DMRT3: variants seen among roughly 807,000 people sequenced by gnomAD.
The protein encoded by DMRT3 is doublesex and mab-3 related transcription factor 3, also known as doublesex- and mab-3-related transcription factor 3.
A neutral mutation model predicts 34.9 loss-of-function variants in DMRT3; 29 were observed. That is an observed-to-expected ratio of 0.83 (90% CI 0.62 to 1.13). The LOEUF is 1.13. Among genes scored for constraint, DMRT3 ranks in the 50% most tolerant of loss-of-function variants. The pLI is 0.00. For missense variants in DMRT3, 772 were observed against 629.1 expected, an observed-to-expected ratio of 1.23 and a Z score of -2.43; for synonymous variants, 350 against 286.0, an observed-to-expected ratio of 1.22 and a Z score of -2.26.
chr9:980,985 A>G (rs1266326461), intron 1 of DMRT3, among the ~76,000 whole-genome samples: 1 of 152,160 alleles, frequency 6.6e-6, no homozygotes, highest in Non-Finnish European at 1.5e-5. Flanking sequence ...GAATATGTAC[A>G]CACATTCTTT....
chr9:986,217 C>T (rs1016439118), intron 1 of DMRT3, among the ~76,000 whole-genome samples: 4 of 152,160 alleles, frequency 2.6e-5, no homozygotes, highest in Non-Finnish European at 4.4e-5. Flanking sequence ...ATTCCACTAC[C>T]GTCTGTTCCG....
In DMRT3 at chr9:976,700, T is replaced by C. The variant is rs1279375245; in HGVS notation, c.-302T>C. ...CTTAATCAGAGCTGTCGCCGGCTCC[T>C]TGCAGCCGCCGCAGCGCCTCCGCGA... On this transcript the variant is annotated 5_prime_UTR_variant, in exon 1 of 2. Coordinates refer to ENST00000190165, the MANE Select transcript of DMRT3 (RefSeq NM_021240.4). This position sits in a 1 kb window ranked among gnomAD's most constrained non-coding sequence, Gnocchi z 4.5. Among the ~76,000 whole-genome samples the C allele has an allele frequency of 6.6e-6, 1 of 152,168 alleles. No individual in the cohort carries two copies. The highest frequency in any genetic ancestry group is 2.4e-5 in the African/African-American group (1 of 41,462).
At chr9:988,377 G>A (rs980094491) in intron 1 of DMRT3, among the ~76,000 whole-genome samples, 4 of 152,156 alleles carry the variant, frequency 2.6e-5, no homozygotes, top group African/African-American at 9.6e-5. Context: ...ACTTATGTTT[G>A]CCACATATTT....
intron 1 of DMRT3, among the ~76,000 whole-genome samples, chr9:983,051 T>G (rs532851128): frequency 6.6e-6 from 1 of 152,332 alleles, no homozygotes; most frequent in Admixed American, 6.5e-5. Context: ...CACATCGCCT[T>G]AGTGAGTCAT....
At position 990,993 on chromosome 9, in the gene DMRT3, C is replaced by G. The variant is rs2130079122; in HGVS notation, c.1407C>G (p.Asn469Lys). 1 of 1,610,332 alleles carries G rather than the reference C, an allele frequency of 6.2e-7. No homozygotes were observed. The highest frequency in any genetic ancestry group is 8.5e-7 in the Non-Finnish European group (1 of 1,177,080). ...ACTCCTCAGACTCTAGAACACTCAA[C>G]ACATCATCTTAAAGTGGTGCTGGAT... ...RSDSSDSRTLNTSS is the reference protein window; with the variant it reads ...RSDSSDSRTLKTSS The change falls in exon 2 of 2, where the codon AAC becomes AAG. Residue 469 changes from asparagine (N) to lysine (K), a missense_variant. Coordinates refer to ENST00000190165, the MANE Select transcript of DMRT3 (RefSeq NM_021240.4).
rs764560332 is a variant in DMRT3 at position 990,451 on chromosome 9, C to T, written c.865C>T (p.Arg289Ter). ...VSAVEVLLSSRSSVTGAERTS... is the reference protein window; with the variant it reads ...VSAVEVLLSS ...CGCCGTGGAAGTCCTTCTGTCCAGC[C>T]GATCCTCAGTCACGGGAGCAGAGCG... The change falls in exon 2 of 2, where the codon CGA (arginine) becomes TGA (stop). Residue 289 changes from arginine to a stop codon, truncating the protein, a stop_gained. Transcript: ENST00000190165. LOFTEE classifies it high-confidence loss of function. 12 of 1,614,042 alleles carry T rather than the reference C, an allele frequency of 7.4e-6. No individual in the cohort carries two copies. The highest frequency in any genetic ancestry group is 1.7e-5 in the Admixed American group (1 of 60,004).
At chr9:979,806 A>G (rs2130056616) in intron 1 of DMRT3, among the ~76,000 whole-genome samples, 1 of 152,290 alleles carries the variant, frequency 6.6e-6, no homozygotes, top group East Asian at 1.9e-4. Flanking sequence ...CCCTTTTTGC[A>G]GTTGTTCTAA....
intron 1 of DMRT3, among the ~76,000 whole-genome samples, chr9:985,483 GTTTA>G (rs1247550581): frequency 6.6e-6 from 1 of 152,132 alleles, no homozygotes; most frequent in Non-Finnish European, 1.5e-5. Flanking sequence ...GATTTGTAAA[GTTTA>G]TTTAAGAACA....
At chr9:988,505 G>A (rs1359203003) in intron 1 of DMRT3, among the ~76,000 whole-genome samples, 1 of 152,212 alleles carries the variant, frequency 6.6e-6, no homozygotes, top group African/African-American at 2.4e-5. Context: ...AAGTGTAGGA[G>A]AAGATGGTTT....
intron 1 of DMRT3, among the ~76,000 whole-genome samples, chr9:988,836 G>A (rs1820315470): frequency 6.6e-6 from 1 of 152,146 alleles, no homozygotes; most frequent in Admixed American, 6.5e-5. Context: ...GCTTTGAGTA[G>A]CCACAGCCAG....
At chr9:989,943 T>G (rs6477419) in intron 1 of DMRT3, 98 bp from the exon 2 acceptor site, 1 of 1,482,130 alleles carries the variant, frequency 6.7e-7, no homozygotes, top group Non-Finnish European at 9.1e-7. Flanking sequence ...GAGATGCATT[T>G]GCTCTTCCAA....
chr9:977,486 C>T (rs768083588), intron 1 of DMRT3, 31 bp downstream of exon 1: 26 of 1,269,378 alleles, frequency 2.0e-5, no homozygotes, highest in Non-Finnish European at 2.4e-5. Flanking sequence ...GGAGTTTGGC[C>T]GGGCGCGGGG....
chr9:990,658 C>T lies in DMRT3; in HGVS notation c.1072C>T (p.Leu358=). The change falls in exon 2 of 2, where the codon CTG becomes TTG. Residue 358 remains leucine, a synonymous_variant. Coordinates refer to ENST00000190165, the MANE Select transcript of DMRT3 (RefSeq NM_021240.4). Reference sequence around the variant, plus strand: ...TGTCCCCAGTCCCTTGGCTGGGCCTCTGCAGCCCCCTTTCCCCCAGCCACC... The same window carrying T: ...TGTCCCCAGTCCCTTGGCTGGGCCTTTGCAGCCCCCTTTCCCCCAGCCACC... ...NVVPSPLAGP[L]QPPFPQPPRY... 2 of 1,614,116 alleles carry T rather than the reference C, an allele frequency of 1.2e-6. No individual in the cohort carries two copies. The highest frequency in any genetic ancestry group is 1.7e-6 in the Non-Finnish European group (2 of 1,179,992).
chr9:982,460 T>A (rs545209507), intron 1 of DMRT3, among the ~76,000 whole-genome samples: 5 of 152,380 alleles, frequency 3.3e-5, no homozygotes, highest in Admixed American at 6.5e-5. Flanking sequence ...TTTTCCCTGA[T>A]GGATGAACTC....
In DMRT3 at chr9:976,989, G is replaced by C. The variant is rs1411254184; in HGVS notation, c.-13G>C. The C allele has an allele frequency of 3.4e-6, 5 of 1,472,280 alleles. No homozygotes were observed. The highest frequency in any genetic ancestry group is 4.5e-6 in the Non-Finnish European group (5 of 1,109,566). The allele number at this position is 1,472,280 out of a possible 1,614,324, so 91.2% of individuals were successfully genotyped here. On this transcript the variant is annotated 5_prime_UTR_variant, in exon 1 of 2. Transcript: ENST00000190165. The surrounding 1 kb of genome is among the most constrained non-coding windows in gnomAD (Gnocchi z 4.5). ...CCGCAGCCAGGCTGCCAACTCATTC[G>C]GGAGCCCGGGGCATGAACGGCTACG...
At chr9:982,381 C>G (rs1820232794) in intron 1 of DMRT3, among the ~76,000 whole-genome samples, 1 of 152,244 alleles carries the variant, frequency 6.6e-6, no homozygotes, top group Admixed American at 6.5e-5. Context: ...CTCTCCACCT[C>G]CAAATCACTC....
rs1820153381 is a variant in DMRT3, at chr9:976,853, G to T, written c.-149G>T. The stretch of plus-strand genomic sequence containing the variant: ...AGAGACGACTGCGGCACCTCCGGCC[G>T]CCCCGGAGCACACACGACCACCGGG... On this transcript the variant is annotated 5_prime_UTR_variant, in exon 1 of 2. Transcript: ENST00000190165. The surrounding 1 kb of genome is among the most constrained non-coding windows in gnomAD (Gnocchi z 4.5). The T allele has an allele frequency of 1.3e-6, 1 of 779,836 alleles. No homozygotes were observed. Among genetic ancestry groups the T allele is most frequent in the Non-Finnish European group, 1.8e-6 (1 of 560,084 alleles). The allele number at this position is 779,836 out of a possible 1,614,324, so 48.3% of individuals were successfully genotyped here. A position where few individuals can be genotyped will look rare whatever the true frequency, so the allele number is the denominator to read the frequency against.
chr9:989,986 C>G, intron 1 of DMRT3, 55 bp from the exon 2 acceptor site: 1 of 1,593,018 alleles, frequency 6.3e-7, no homozygotes, highest in Non-Finnish European at 8.5e-7. Context: ...CTGAGCACAT[C>G]TGCTCCTCTT....
chr9:990,766 A>C lies in DMRT3; in HGVS notation c.1180A>C (p.Thr394Pro). ...FLPNDVTLWN[T>P]MTLQQQYQLR... ...GCCCAATGATGTCACCCTGTGGAAC[A>C]CCATGACGCTGCAGCAGCAGTATCA... The change falls in exon 2 of 2, where the codon ACC becomes CCC. Residue 394 changes from threonine to proline, a missense_variant. Coordinates refer to ENST00000190165, the MANE Select transcript of DMRT3 (RefSeq NM_021240.4). The C allele has an allele frequency of 6.2e-7, 1 of 1,614,124 alleles. No homozygotes were observed. Among genetic ancestry groups the C allele is most frequent in the Non-Finnish European group, 8.5e-7 (1 of 1,180,024 alleles).
Sources: gnomAD v4.1 joint callset for allele counts (sites outside exome capture counted in the v4.1 genomes callset) on GRCh38, gnomAD v4.1.1 for gene constraint, Gnocchi (gnomAD v3.1) non-coding constraint, MANE v1.5 for transcripts, NCBI Gene and HGNC (gene_info 2026-07-23, HGNC 2026-07-21) for gene names.